The following HMGA2 variants were observed in gnomAD, a reference collection of about 807,000 sequenced individuals.
HMGA2 encodes high mobility group AT-hook 2.
HMGA2 carries 8 observed loss-of-function variants against 19.1 expected under a neutral mutation model. That is an observed-to-expected ratio of 0.42 (90% confidence interval 0.25 to 0.76). The LOEUF (loss-of-function observed/expected upper bound fraction) is 0.76. Ranked by LOEUF, HMGA2 falls within the 30% of genes least tolerant of loss-of-function variation. The pLI, the probability that HMGA2 is intolerant of heterozygous loss-of-function variation, is 0.28. For missense variants in HMGA2, 109 were observed against 136.3 expected (o/e 0.80, Z 1.00); for synonymous variants, 60 against 48.8 (o/e 1.23, Z -0.96).
intron 3 of HMGA2, among the ~76,000 whole-genome samples, chr12:65,854,335 A>AT (rs1242634352): frequency 3.9e-5 from 6 of 152,234 alleles, no homozygotes; most frequent in African/African-American, 1.2e-4. Flanking sequence ...AGAGAGAAAA[A>AT]TTAGCCCCCT....
rs553808852 is a variant in HMGA2, at chr12:65,825,028, C to G, written c.-243C>G. ...ACCCACCCACCGCCGCCGCCGCCAC[C>G]GGCAGCGCCTCCTCCTCTCCTCCTC... On this transcript the variant is annotated 5_prime_UTR_variant, in exon 1 of 5. Transcript: ENST00000403681. The surrounding 1 kb of genome is among the most constrained non-coding windows in gnomAD (Gnocchi z 4.4). 4 of 431,924 alleles carry G rather than the reference C, an allele frequency of 9.3e-6. No homozygotes were observed. The South Asian group carries it at 1.2e-4, about 13-fold the overall frequency. The allele number at this position is 431,924 out of a possible 1,614,324, so 26.8% of individuals were successfully genotyped here. A position where few individuals can be genotyped will look rare whatever the true frequency, so the allele number is the denominator to read the frequency against.
intron 3 of HMGA2, among the ~76,000 whole-genome samples, chr12:65,950,926 A>G (rs111825271): frequency 0.031 from 4,711 of 152,192 alleles, 102 homozygotes; most frequent in Admixed American, 0.044. Context: ...GAGATCATGA[A>G]TAGACATTTT....
At chr12:65,865,710 C>A (rs188022808) in intron 3 of HMGA2, among the ~76,000 whole-genome samples, 1 of 150,358 alleles carries the variant, frequency 6.7e-6, no homozygotes, top group East Asian at 2.0e-4. Flanking sequence ...TCTCGGCTCA[C>A]TGCAAACTCC....
intron 3 of HMGA2, among the ~76,000 whole-genome samples, chr12:65,918,159 C>T (rs1432529807): frequency 6.6e-6 from 1 of 152,156 alleles, no homozygotes; most frequent in Non-Finnish European, 1.5e-5. Context: ...AAATGTCCTT[C>T]CTAATCTTAG....
intron 3 of HMGA2, among the ~76,000 whole-genome samples, chr12:65,888,534 T>C (rs1167139567): frequency 1.4e-5 from 2 of 142,932 alleles, no homozygotes; most frequent in African/African-American, 2.6e-5. Context: ...CCAATAGGAA[T>C]AGAGTGCCCG....
intron 2 of HMGA2, among the ~76,000 whole-genome samples, chr12:65,832,470 G>C (rs1010371987): frequency 6.6e-5 from 10 of 151,954 alleles, no homozygotes; most frequent in African/African-American, 2.4e-4. Context: ...TAAGGAGATA[G>C]AATATACCAG....
At chr12:65,833,180 C>T (rs566928485) in intron 2 of HMGA2, among the ~76,000 whole-genome samples, 2 of 152,178 alleles carry the variant, frequency 1.3e-5, no homozygotes, top group South Asian at 4.1e-4. Context: ...AATTAGGAAA[C>T]TTACAGAACT....
chr12:65,842,826 T>A (rs1871059922), intron 3 of HMGA2: 14 of 1,351,122 alleles, frequency 1.0e-5, no homozygotes, highest in Non-Finnish European at 1.3e-5. Flanking sequence ...GCTCGTCACA[T>A]ACCTAGTTTA....
At chr12:65,928,915 A>C (rs189034502) in intron 3 of HMGA2, among the ~76,000 whole-genome samples, 40 of 152,346 alleles carry the variant, frequency 2.6e-4, no homozygotes, top group Middle Eastern at 6.8e-3. Flanking sequence ...GCAAAGACAA[A>C]GAGTACATAT....
intron 3 of HMGA2, among the ~76,000 whole-genome samples, chr12:65,945,813 G>A (rs1210704974): frequency 6.6e-6 from 1 of 152,148 alleles, no homozygotes; most frequent in African/African-American, 2.4e-5. Flanking sequence ...AATCAGTGAA[G>A]TGATTAAGTA....
At chr12:65,873,225 T>C (rs1192733278) in intron 3 of HMGA2, among the ~76,000 whole-genome samples, 2 of 152,238 alleles carry the variant, frequency 1.3e-5, no homozygotes, top group East Asian at 1.9e-4. Flanking sequence ...ATACAGAGCA[T>C]AGTGTGTGTC....
At chr12:65,873,134 G>A (rs1258742765) in intron 3 of HMGA2, among the ~76,000 whole-genome samples, 1 of 152,126 alleles carries the variant, frequency 6.6e-6, no homozygotes, top group Non-Finnish European at 1.5e-5. Context: ...TGAGGTAAAG[G>A]ACTTTTACCC....
chr12:65,963,238 G>A lies in HMGA2; in HGVS notation c.283-7G>A. ...AGCGTCATGGCTGTGCCCTTTGTGT[G>A]TTCCAGGAGGAAACTGAAGAGACAT... On this transcript the variant is annotated splice_region_variant and splice_polypyrimidine_tract_variant and intron_variant, in intron 4 of 4. Transcript: ENST00000403681. The A allele has an allele frequency of 6.2e-7, 1 of 1,613,634 alleles. No individual in the cohort carries two copies. The highest frequency in any genetic ancestry group is 8.5e-7 in the Non-Finnish European group (1 of 1,179,724).
At chr12:65,907,021 C>T (rs1874621358) in intron 3 of HMGA2, among the ~76,000 whole-genome samples, 1 of 152,100 alleles carries the variant, frequency 6.6e-6, no homozygotes, top group Non-Finnish European at 1.5e-5. Flanking sequence ...CTGTGCAAGG[C>T]TAGCATTTGA....
intron 3 of HMGA2, among the ~76,000 whole-genome samples, chr12:65,879,750 G>A (rs900800217): frequency 4.6e-5 from 7 of 152,108 alleles, no homozygotes; most frequent in South Asian, 2.1e-4. Context: ...TATATTGAGC[G>A]TATATGTACA....
At chr12:65,878,482 C>T (rs1461105230) in intron 3 of HMGA2, among the ~76,000 whole-genome samples, 1 of 152,178 alleles carries the variant, frequency 6.6e-6, no homozygotes, top group Admixed American at 6.5e-5. Flanking sequence ...TCTTTTGGGT[C>T]ATCTACCTTG....
intron 3 of HMGA2, among the ~76,000 whole-genome samples, chr12:65,849,513 CAATAAATAAATCCCTTATTCCCCTT>C (rs1382357107): frequency 6.6e-6 from 1 of 152,136 alleles, no homozygotes; most frequent in Non-Finnish European, 1.5e-5. Context: ...ATTTACAAAT[CAATAAATAAATCCCTTATTCCCCTT>C]TCATATCTTT....
chr12:65,957,601 G>T (rs1288768890), intron 4 of HMGA2: 3 of 152,162 alleles, frequency 2.0e-5, no homozygotes, highest in Non-Finnish European at 4.4e-5. Flanking sequence ...ATGGAAAACT[G>T]ATCAAACCGG....
rs1158548985 is a variant in HMGA2 at position 65,825,507 on chromosome 12, G to T, written c.111+126G>T. On this transcript the variant is annotated intron_variant, in intron 1 of 4. Coordinates refer to ENST00000403681, the MANE Select transcript of HMGA2 (RefSeq NM_003483.6). This position sits in a 1 kb window ranked among gnomAD's most constrained non-coding sequence, Gnocchi z 4.4. ...GGCCGTCGCACACTGCCCGCCGGCC[G>T]GCCGGGGGGAGCGGCGCAGACCCCA... 2.1e-6 allele frequency: 1 copy of T among 480,676 alleles called. No homozygotes were observed. The highest frequency in any genetic ancestry group is 5.1e-5 in the Admixed American group (1 of 19,678). 29.8% of individuals were successfully genotyped at this position (480,676 alleles called of 1,614,324 possible). A position where few individuals can be genotyped will look rare whatever the true frequency, so the allele number is the denominator to read the frequency against.
Sources: gnomAD v4.1 joint callset for allele counts (sites outside exome capture counted in the v4.1 genomes callset) on GRCh38, gnomAD v4.1.1 for gene constraint, Gnocchi (gnomAD v3.1) non-coding constraint, MANE v1.5 for transcripts, NCBI Gene and HGNC (gene_info 2026-07-23, HGNC 2026-07-21) for gene names.